Variants in DNAH14 observed in about 807,000 individuals in gnomAD.
DNAH14 encodes the protein axonemal beta dynein heavy chain 14.
DNAH14 carries 478 observed loss-of-function variants against 520.9 expected under a neutral mutation model. The ratio of observed to expected loss-of-function variants is 0.92; its 90% CI spans 0.85 to 0.99. DNAH14 has a LOEUF of 0.99. Among genes scored for constraint, DNAH14 ranks in the 50% least tolerant of loss-of-function variants. The pLI is 0.00. For synonymous variants in DNAH14, 1,581 were observed against 1,757.2 expected (o/e 0.90, Z 2.51); for missense variants, 4,831 against 5,234.5 (o/e 0.92, Z 2.38).
chr1:225,315,887 A>G (rs2094458376), intron 60 of DNAH14, among the ~76,000 whole-genome samples: 1 of 152,224 alleles, frequency 6.6e-6, no homozygotes. Context: ...GTGTCTCCCC[A>G]TCAGGAGGCA....
intron 68 of DNAH14, among the ~76,000 whole-genome samples, chr1:225,340,067 A>T (rs1454606260): frequency 7.0e-6 from 1 of 142,404 alleles, no homozygotes; most frequent in South Asian, 2.3e-4. Context: ...ATTTTTTTTT[A>T]AATGATAGCT....
chr1:225,002,654 C>T (rs533410125), intron 8 of DNAH14, 129 bp from the exon 9 acceptor site: 7 of 892,862 alleles, frequency 7.8e-6, no homozygotes, highest in East Asian at 5.4e-5. Flanking sequence ...TAATCATTAT[C>T]GTTTAAAATG....
intron 66 of DNAH14, among the ~76,000 whole-genome samples, chr1:225,335,215 G>GTA (rs1237054283): frequency 7.2e-6 from 1 of 138,286 alleles, no homozygotes; most frequent in Non-Finnish European, 1.6e-5. Flanking sequence ...GTACATGTGT[G>GTA]TATATATGCA....
At chr1:225,044,466 A>G (rs1205355482) in intron 15 of DNAH14, among the ~76,000 whole-genome samples, 1 of 152,152 alleles carries the variant, frequency 6.6e-6, no homozygotes, top group Admixed American at 6.6e-5. Context: ...TAAAAGTTGC[A>G]TCATTCTCCA....
intron 55 of DNAH14, 69 bp from the exon 56 acceptor site, chr1:225,300,800 A>G: frequency 6.9e-7 from 1 of 1,450,712 alleles, no homozygotes; most frequent in East Asian, 2.6e-5. Flanking sequence ...TGCTTCCTCA[A>G]ATTGATGTGG....
At chr1:225,157,604 C>G (rs2081164638) in intron 34 of DNAH14, among the ~76,000 whole-genome samples, 1 of 152,144 alleles carries the variant, frequency 6.6e-6, no homozygotes, top group African/African-American at 2.4e-5. Flanking sequence ...CTCTCCATAT[C>G]TATATTTAAC....
intron 17 of DNAH14, among the ~76,000 whole-genome samples, chr1:225,057,705 C>A (rs1406045970): frequency 6.6e-6 from 1 of 152,202 alleles, no homozygotes; most frequent in Non-Finnish European, 1.5e-5. Context: ...TATGTCCCAT[C>A]AATACCTAAT....
intron 69 of DNAH14, among the ~76,000 whole-genome samples, chr1:225,342,681 TAAACAC>T (rs2095213313): frequency 9.5e-6 from 1 of 105,572 alleles, no homozygotes; most frequent in Non-Finnish European, 2.0e-5. Flanking sequence ...CCATTTCTCA[TAAACAC>T]ACACACACAC....
At chr1:224,979,983 C>G (rs2489341) in intron 8 of DNAH14, among the ~76,000 whole-genome samples, 22,962 of 152,176 alleles carry the variant, frequency 0.15, 3,199 homozygotes, top group African/African-American at 0.36. Flanking sequence ...TGAATGACCA[C>G]CAGTGTTAAC....
chr1:225,255,418 T>TCACATA, intron 44 of DNAH14, among the ~76,000 whole-genome samples: 1 of 152,180 alleles, frequency 6.6e-6, no homozygotes, highest in African/African-American at 2.4e-5. Context: ...CCACTCTTTC[T>TCACATA]CACATACACA....
Position 225,308,331 on chromosome 1 carries a change from T to A in DNAH14, c.9161T>A (p.Val3054Asp). 1 of 1,543,402 alleles carries A rather than the reference T, an allele frequency of 6.5e-7. No homozygotes were observed. The highest frequency in any genetic ancestry group is 8.7e-7 in the Non-Finnish European group (1 of 1,144,724). Residue 3054 changes from valine (V) to aspartate (D), a missense_variant, in exon 60 of 86, where the codon GTT becomes GAT. By Grantham distance (152) the Val-to-Asp change is radical (BLOSUM62 -3). Coordinates refer to ENST00000682510, the MANE Select transcript of DNAH14 (RefSeq NM_001367479.1). ...AAACTACGGAAAGATTCACAAGTAG[T>A]TGAGAAAGTTCAGATGCTTGTTAAA... Reference protein sequence around the residue: ...MEKLRKDSQVVEKVQMLVKQD... With the variant: ...MEKLRKDSQVDEKVQMLVKQD...
At chr1:225,119,650 T>G (rs1387205374) in intron 26 of DNAH14, among the ~76,000 whole-genome samples, 1 of 152,212 alleles carries the variant, frequency 6.6e-6, no homozygotes, top group East Asian at 1.9e-4. Flanking sequence ...ACTTTGCATT[T>G]TGGTTCTACT....
chr1:224,942,179 T>G (rs2059465402), intron 1 of DNAH14, among the ~76,000 whole-genome samples: 1 of 152,146 alleles, frequency 6.6e-6, no homozygotes, highest in Non-Finnish European at 1.5e-5. Context: ...CCTCTTTTAT[T>G]TCATTGAGCA....
At chr1:225,342,468 T>C (rs1199825860) in intron 69 of DNAH14, among the ~76,000 whole-genome samples, 1 of 152,082 alleles carries the variant, frequency 6.6e-6, no homozygotes, top group East Asian at 1.9e-4. Flanking sequence ...TAAATATATA[T>C]TTTTATTTTT....
intron 41 of DNAH14, among the ~76,000 whole-genome samples, chr1:225,226,373 T>C (rs1202959854): frequency 6.6e-6 from 1 of 152,178 alleles, no homozygotes; most frequent in Admixed American, 6.5e-5. Flanking sequence ...CCAAACACAA[T>C]TATGGCTACA....
chr1:225,054,680 T>G (rs949868953), intron 17 of DNAH14, among the ~76,000 whole-genome samples: 1 of 152,130 alleles, frequency 6.6e-6, no homozygotes, highest in Admixed American at 6.6e-5. Flanking sequence ...TACAGTATGG[T>G]TTCTGACTGT....
intron 3 of DNAH14, among the ~76,000 whole-genome samples, chr1:224,957,328 A>G (rs547091150): frequency 6.6e-6 from 1 of 152,222 alleles, no homozygotes; most frequent in South Asian, 2.1e-4. Context: ...AATTTTGGAC[A>G]TGTTGAATTT....
In DNAH14 at chr1:225,050,343, C is replaced by A; in HGVS notation, c.2046C>A (p.Ile682=). Reference sequence around the variant, plus strand: ...AGACCAGATGGCCAGATTGTCACATCCTTTTTGAAACAGATCCTGCCTACC... The same window carrying A: ...AGACCAGATGGCCAGATTGTCACATACTTTTTGAAACAGATCCTGCCTACC... ...KEQTRWPDCH[I]LFETDPAYQN... The change falls in exon 16 of 86, where the codon ATC becomes ATA. Residue 682 remains isoleucine (I), a synonymous_variant. Coordinates refer to ENST00000682510, the MANE Select transcript of DNAH14 (RefSeq NM_001367479.1). 1 of 1,546,468 alleles carries A rather than the reference C, an allele frequency of 6.5e-7. No individual in the cohort carries two copies. The highest frequency in any genetic ancestry group is 1.2e-5 in the South Asian group (1 of 81,996).
chr1:225,156,709 CTTTTTTTTTT>C lies in DNAH14; in HGVS notation c.5274-2591_5274-2582del, dbSNP rs71170061. ...TCTAGGATAAACTCCTCTTAAAATT[CTTTTTTTTTT>C]TTTTTTTTTTTTTGAGACGGAGTCT... On this transcript the variant is annotated intron_variant, in intron 34 of 85. Coordinates refer to ENST00000682510, the MANE Select transcript of DNAH14 (RefSeq NM_001367479.1). 2.9e-5 allele frequency among the ~76,000 whole-genome samples: 2 copies of C among 68,164 alleles called. 1 individual carries two copies. The highest frequency in any genetic ancestry group is 4.9e-5 in the Non-Finnish European group (2 of 41,220). 44.7% of individuals were successfully genotyped at this position (68,164 alleles called of 152,430 possible). A position where few individuals can be genotyped will look rare whatever the true frequency, so the allele number is the denominator to read the frequency against.
Sources: allele counts gnomAD v4.1 joint callset (sites outside exome capture counted in the v4.1 genomes callset), GRCh38; gene constraint gnomAD v4.1.1; transcripts MANE v1.5; gene names NCBI Gene and HGNC (gene_info 2026-07-23, HGNC 2026-07-21).